DOCK7: variants seen among roughly 807,000 people sequenced by gnomAD.
DOCK7 encodes dedicator of cytokinesis protein 7.
In DOCK7, 138 loss-of-function variants were observed where a neutral mutation model predicts 271.0. The observed-to-expected ratio is 0.51, with a 90% CI of 0.44 to 0.59. The LOEUF (loss-of-function observed/expected upper bound fraction) is 0.59. Ranked by LOEUF, DOCK7 falls within the 20% of genes least tolerant of loss-of-function variation. The pLI, the probability that DOCK7 is intolerant of heterozygous loss-of-function variation, is 0.00. For missense variants in DOCK7, 2,066 were observed against 2,592.4 expected, an observed-to-expected ratio of 0.80 and a Z score of 4.41; for synonymous variants, 823 against 876.1, an observed-to-expected ratio of 0.94 and a Z score of 1.07.
intron 2 of DOCK7, among the ~76,000 whole-genome samples, chr1:62,660,037 ACAG>A (rs1658488216): frequency 6.6e-6 from 1 of 152,222 alleles, no homozygotes; most frequent in Non-Finnish European, 1.5e-5. Flanking sequence ...CAACAAGGAT[ACAG>A]TATAATTCAA....
At chr1:62,572,279 A>G (rs781121833) in intron 18 of DOCK7, among the ~76,000 whole-genome samples, 1 of 152,218 alleles carries the variant, frequency 6.6e-6, no homozygotes, top group Non-Finnish European at 1.5e-5. Flanking sequence ...AAAATATTCT[A>G]ATAAGCAATG....
chr1:62,492,890 T>C, intron 40 of DOCK7, 43 bp from the exon 41 acceptor site: 1 of 1,532,912 alleles, frequency 6.5e-7, no homozygotes, highest in Non-Finnish European at 8.9e-7. Context: ...AACAGAATTT[T>C]CTAGCATAAA....
intron 20 of DOCK7, among the ~76,000 whole-genome samples, chr1:62,557,637 C>T (rs1297318012): frequency 6.8e-6 from 1 of 147,388 alleles, no homozygotes; most frequent in Non-Finnish European, 1.5e-5. Flanking sequence ...GAGAGGGACT[C>T]TGGAACCAGT....
rs751872344 is a variant in DOCK7 at position 62,475,174 on chromosome 1, C to T, written c.6105+34G>A. Reference sequence around the variant, plus strand: ...AAATTATCCCAAATCGTATTTACAGCTTAAATCACACAGTGCTAGCAAAAA... The same window carrying T: ...AAATTATCCCAAATCGTATTTACAGTTTAAATCACACAGTGCTAGCAAAAA... On this transcript the variant is annotated intron_variant, in intron 47 of 49. Transcript: ENST00000635253. The T allele has an allele frequency of 5.7e-6, 9 of 1,582,562 alleles. No individual in the cohort carries two copies. The East Asian group carries it at 1.6e-4, about 28-fold the overall frequency.
intron 8 of DOCK7, chr1:62,635,334 T>G (rs1030153905): frequency 1.3e-5 from 2 of 152,802 alleles, no homozygotes; most frequent in African/African-American, 4.8e-5. Flanking sequence ...GTCAGGAGAT[T>G]GAGATCATCC....
intron 20 of DOCK7, among the ~76,000 whole-genome samples, chr1:62,558,171 C>T (rs1185815466): frequency 6.6e-6 from 1 of 152,076 alleles, no homozygotes; most frequent in Non-Finnish European, 1.5e-5. Context: ...AAAATTCCTC[C>T]CCCAAATTCA....
At chr1:62,622,295 C>T (rs1456521858) in intron 12 of DOCK7, among the ~76,000 whole-genome samples, 2 of 152,152 alleles carry the variant, frequency 1.3e-5, no homozygotes, top group African/African-American at 2.4e-5. Flanking sequence ...AGCTGATACC[C>T]TTTCCTCTAC....
At position 62,576,660 on chromosome 1, in the gene DOCK7, C is replaced by T. The variant is rs1571616358; in HGVS notation, c.2112+602G>A. Among the ~76,000 whole-genome samples the T allele has an allele frequency of 2.6e-5, 4 of 152,182 alleles. No individual in the cohort carries two copies. The East Asian group carries it at 7.7e-4, about 29-fold the overall frequency. On this transcript the variant is annotated intron_variant, in intron 18 of 49. Transcript: ENST00000635253. ...TTATATTCAAAATCATTAAGAGACACTGACAACCATTGTGTTTCTCTCAAG... is the reference window on the plus strand; with the variant it reads ...TTATATTCAAAATCATTAAGAGACATTGACAACCATTGTGTTTCTCTCAAG...
At chr1:62,593,689 A>T (rs1375819032) in intron 14 of DOCK7, among the ~76,000 whole-genome samples, 1 of 152,184 alleles carries the variant, frequency 6.6e-6, no homozygotes, top group Non-Finnish European at 1.5e-5. Flanking sequence ...AAGATAGATA[A>T]AATTATTCCT....
rs1369306687 is a variant in DOCK7, at chr1:62,485,664, T to C, written c.5508+1734A>G. 1.5e-5 allele frequency: 15 copies of C among 985,214 alleles called. No individual in the cohort carries two copies. In the East Asian group the frequency reaches 3.4e-4, roughly 22 times the overall value. 61.0% of individuals were successfully genotyped at this position (985,214 alleles called of 1,614,324 possible). A position where few individuals can be genotyped will look rare whatever the true frequency, so the allele number is the denominator to read the frequency against. ...ATACACAAGATAGAACTTACCACAA[T>C]AGACAATAGTAAAAGTGGGGAGTAG... On this transcript the variant is annotated intron_variant, in intron 43 of 49. Coordinates refer to ENST00000635253, the MANE Select transcript of DOCK7 (RefSeq NM_001367561.1).
intron 1 of DOCK7, among the ~76,000 whole-genome samples, chr1:62,678,111 G>T (rs1475624000): frequency 6.6e-6 from 1 of 152,124 alleles, no homozygotes; most frequent in Admixed American, 6.6e-5. Context: ...CTGGACAACA[G>T]AGCAAGAGTC....
chr1:62,482,894 A>G (rs1180236595), intron 43 of DOCK7: 2 of 152,286 alleles, frequency 1.3e-5, no homozygotes, highest in East Asian at 3.9e-4. Flanking sequence ...ACATTCTTCC[A>G]AGATATATTG....
chr1:62,462,541 A>G, intron 48 of DOCK7, among the ~76,000 whole-genome samples: 1 of 152,336 alleles, frequency 6.6e-6, no homozygotes, highest in East Asian at 1.9e-4. Flanking sequence ...AGAAAGAAAG[A>G]AATTTATAAT....
At chr1:62,614,027 A>C (rs908968339) in intron 14 of DOCK7, among the ~76,000 whole-genome samples, 2 of 152,138 alleles carry the variant, frequency 1.3e-5, no homozygotes, top group African/African-American at 4.8e-5. Context: ...CTTTTTTTTA[A>C]CATTATTCAC....
At chr1:62,574,523 G>A (rs1348230214) in intron 18 of DOCK7, among the ~76,000 whole-genome samples, 1 of 152,138 alleles carries the variant, frequency 6.6e-6, no homozygotes, top group East Asian at 1.9e-4. Context: ...AAGACTTGAT[G>A]GAGATGAGTG....
rs776276231 is a variant in DOCK7, at chr1:62,598,671, T to C, written c.1683-12047A>G. 44 of 1,359,486 alleles carry C rather than the reference T, an allele frequency of 3.2e-5. No homozygotes were observed. The Admixed American group carries it at 7.3e-4, about 22-fold the overall frequency. The allele number at this position is 1,359,486 out of a possible 1,614,324, so 84.2% of individuals were successfully genotyped here. A position where few individuals can be genotyped will look rare whatever the true frequency, so the allele number is the denominator to read the frequency against. ...AGAAAAGAAAGAGGAAAGCAACTTATAACCAACCTACTCTCTATATCCAGA... is the reference window on the plus strand; with the variant it reads ...AGAAAAGAAAGAGGAAAGCAACTTACAACCAACCTACTCTCTATATCCAGA... On this transcript the variant is annotated intron_variant, in intron 14 of 49. Coordinates refer to ENST00000635253, the MANE Select transcript of DOCK7 (RefSeq NM_001367561.1).
chr1:62,552,599 C>T (rs996725242), intron 22 of DOCK7, 133 bp downstream of exon 22: 13 of 847,352 alleles, frequency 1.5e-5, no homozygotes, highest in Admixed American at 3.4e-5. Flanking sequence ...ACTGATAGAA[C>T]AGAAATGTAC....
At chr1:62,622,178 G>T (rs763378175) in intron 12 of DOCK7, among the ~76,000 whole-genome samples, 5 of 152,208 alleles carry the variant, frequency 3.3e-5, no homozygotes, top group African/African-American at 4.8e-5. Flanking sequence ...TGAGAGACAT[G>T]TCACAGAGCT....
At chr1:62,684,857 C>T (rs77240935) in intron 1 of DOCK7, among the ~76,000 whole-genome samples, 1 of 152,048 alleles carries the variant, frequency 6.6e-6, no homozygotes, top group Non-Finnish European at 1.5e-5. Flanking sequence ...CAGAAATCAC[C>T]AAATCACAGC....
Sources: allele counts gnomAD v4.1 joint callset (sites outside exome capture counted in the v4.1 genomes callset), GRCh38; gene constraint gnomAD v4.1.1; transcripts MANE v1.5; gene names NCBI Gene and HGNC (gene_info 2026-07-23, HGNC 2026-07-21).